DNAH7: variants seen among roughly 807,000 people sequenced by gnomAD.
DNAH7 encodes the protein dynein axonemal heavy chain 7.
A neutral mutation model predicts 444.6 loss-of-function variants in DNAH7; 397 were observed. The observed-to-expected ratio is 0.89, with a 90% CI of 0.82 to 0.97. DNAH7 has a LOEUF of 0.97. Ranked by LOEUF, DNAH7 falls within the 50% of genes least tolerant of loss-of-function variation. The probability of loss-of-function intolerance (pLI) is 0.00; values close to 1 mark genes in which losing one functional copy is unlikely to be tolerated. For missense variants in DNAH7, 4,902 were observed against 4,800.8 expected (o/e 1.02, Z -0.62); for synonymous variants, 1,636 against 1,624.4 (o/e 1.01, Z -0.17).
chr2:195,978,765 C>T (rs1692367246), intron 15 of DNAH7, among the ~76,000 whole-genome samples: 1 of 151,882 alleles, frequency 6.6e-6, no homozygotes, highest in Admixed American at 6.6e-5. Flanking sequence ...AAAAGAGACC[C>T]GGAGTAGCTA....
intron 17 of DNAH7, among the ~76,000 whole-genome samples, chr2:195,968,471 T>C (rs1383217499): frequency 6.6e-6 from 1 of 152,082 alleles, no homozygotes; most frequent in Non-Finnish European, 1.5e-5. Context: ...CCTGCCCTAC[T>C]GTGGCTGAGC....
At chr2:195,966,940 T>C (rs1345620454) in intron 17 of DNAH7, among the ~76,000 whole-genome samples, 1 of 152,138 alleles carries the variant, frequency 6.6e-6, no homozygotes, top group Non-Finnish European at 1.5e-5. Context: ...GAGAAGTTAG[T>C]CCATTTACAT....
In DNAH7 at chr2:195,755,774, G is replaced by A. The variant is rs950838128; in HGVS notation, c.11586+359C>T. On this transcript the variant is annotated intron_variant, in intron 62 of 64. Coordinates refer to ENST00000312428, the MANE Select transcript of DNAH7 (RefSeq NM_018897.3). ...GCCATTGAGGTCATTACTGACTTGG[G>A]CTGAACCAGCAATCTAGTGATTCCA... Among the ~76,000 whole-genome samples, 6 of 152,142 alleles carry A rather than the reference G, an allele frequency of 3.9e-5. 1 individual carries two copies. The highest frequency in any genetic ancestry group is 1.4e-4 in the African/African-American group (6 of 41,438).
intron 30 of DNAH7, chr2:195,894,261 A>G (rs1702177440): frequency 6.6e-6 from 1 of 152,188 alleles, no homozygotes; most frequent in African/African-American, 2.4e-5. Flanking sequence ...GCAAATATAC[A>G]TACAGGGAGA....
chr2:195,853,526 A>C lies in DNAH7; in HGVS notation c.8598T>G (p.Val2866=). Residue 2866 remains valine (V), a splice_region_variant and synonymous_variant, in exon 46 of 65, where the codon GTT becomes GTG. Coordinates refer to ENST00000312428, the MANE Select transcript of DNAH7 (RefSeq NM_018897.3). ...GTTCTAGTTTTTTGCTGCAAAGGTC[A>C]ACCTCGAAAATAAAAGTGAGCTTTT... ...KQKKADLENQ[V]DLCSKKLERA... 6.2e-7 allele frequency: 1 copy of C among 1,605,226 alleles called. No homozygotes were observed. The highest frequency in any genetic ancestry group is 8.5e-7 in the Non-Finnish European group (1 of 1,175,230).
At position 195,972,409 on chromosome 2, in the gene DNAH7, C is replaced by G. The variant is rs751083635; in HGVS notation, c.1891G>C (p.Asp631His). ...AGGAAGGCGAGGCAGTTTTTGGAATCCACTAATCTCTGTTCTAGTTCAATC... is the reference window on the plus strand; with the variant it reads ...AGGAAGGCGAGGCAGTTTTTGGAATGCACTAATCTCTGTTCTAGTTCAATC... ...DMIELEQRLVDSKNCLAFLIE... is the reference protein window; with the variant it reads ...DMIELEQRLVHSKNCLAFLIE... The change falls in exon 16 of 65, where the codon GAT (aspartate) becomes CAT (histidine). Residue 631 changes from aspartate (D) to histidine (H), a missense_variant. Physicochemically the swap from Asp to His is moderately conservative, Grantham distance 81 (BLOSUM62 -1). Transcript: ENST00000312428. The G allele has an allele frequency of 6.2e-7, 1 of 1,614,066 alleles. No homozygotes were observed. The highest frequency in any genetic ancestry group is 1.1e-5 in the South Asian group (1 of 91,070).
chr2:195,811,776 G>GA (rs148713731), intron 51 of DNAH7, among the ~76,000 whole-genome samples: 25 of 149,216 alleles, frequency 1.7e-4, no homozygotes, highest in East Asian at 1.2e-3. Flanking sequence ...AGAAGTGAAA[G>GA]AAAAAAAAAA....
At chr2:196,036,381 G>A (rs1174934226) in intron 5 of DNAH7, among the ~76,000 whole-genome samples, 1 of 151,964 alleles carries the variant, frequency 6.6e-6, no homozygotes, top group Non-Finnish European at 1.5e-5. Context: ...CCACCCAGAG[G>A]GCTACAATAG....
intron 58 of DNAH7, among the ~76,000 whole-genome samples, chr2:195,784,670 C>A (rs369605911): frequency 1.3e-5 from 2 of 152,262 alleles, no homozygotes; most frequent in South Asian, 2.1e-4. Context: ...TAAGAAACTG[C>A]TAAAGTATCT....
chr2:196,043,085 TGGAA>T (rs1696871575), intron 5 of DNAH7, among the ~76,000 whole-genome samples: 1 of 152,150 alleles, frequency 6.6e-6, no homozygotes, highest in Admixed American at 6.5e-5. Flanking sequence ...AACGGGCAAG[TGGAA>T]GCTTTTGTGA....
intron 63 of DNAH7, among the ~76,000 whole-genome samples, chr2:195,750,131 T>C (rs1446417494): frequency 6.6e-6 from 1 of 152,188 alleles, no homozygotes; most frequent in African/African-American, 2.4e-5. Flanking sequence ...TTATGGATCC[T>C]TTAATAAGTT....
At chr2:196,061,589 G>A (rs978266882) in intron 1 of DNAH7, among the ~76,000 whole-genome samples, 3 of 152,004 alleles carry the variant, frequency 2.0e-5, no homozygotes, top group Admixed American at 2.0e-4. Context: ...ATTTAATTCA[G>A]TAGTAAACCC....
intron 15 of DNAH7, among the ~76,000 whole-genome samples, chr2:195,979,448 C>T (rs1322483972): frequency 6.6e-6 from 1 of 151,922 alleles, no homozygotes; most frequent in Non-Finnish European, 1.5e-5. Flanking sequence ...ACATAACATA[C>T]CAAAACCTAT....
At chr2:195,796,186 G>C (rs771453255) in intron 56 of DNAH7, among the ~76,000 whole-genome samples, 3 of 152,224 alleles carry the variant, frequency 2.0e-5, no homozygotes, top group Non-Finnish European at 2.9e-5. Context: ...GTGACATTCT[G>C]AAGCCTTTGA....
intron 2 of DNAH7, among the ~76,000 whole-genome samples, 195 bp from the exon 3 acceptor site, chr2:196,051,444 A>G (rs1183322650): frequency 6.6e-6 from 1 of 152,174 alleles, no homozygotes; most frequent in Non-Finnish European, 1.5e-5. Context: ...ATAAAGGAAA[A>G]TTATATCCAG....
At chr2:196,029,915 T>C (rs1695936885) in intron 5 of DNAH7, among the ~76,000 whole-genome samples, 1 of 152,194 alleles carries the variant, frequency 6.6e-6, no homozygotes, top group Admixed American at 6.5e-5. Context: ...GATGGTGGCA[T>C]GAGCATCCCT....
chr2:195,855,686 G>T, intron 45 of DNAH7, 125 bp downstream of exon 45: 2 of 977,298 alleles, frequency 2.0e-6, no homozygotes, highest in Non-Finnish European at 1.5e-6. Context: ...TGTGGCCTGC[G>T]GGTCATAGTT....
At chr2:195,789,982 A>G (rs557993524) in intron 57 of DNAH7, among the ~76,000 whole-genome samples, 132 of 152,294 alleles carry the variant, frequency 8.7e-4, no homozygotes, top group African/African-American at 3.1e-3. Context: ...AAAGTTTCAG[A>G]ATACAAAATC....
intron 56 of DNAH7, among the ~76,000 whole-genome samples, 175 bp downstream of exon 56, chr2:195,796,401 C>T (rs1376230870): frequency 1.3e-5 from 2 of 152,100 alleles, no homozygotes; most frequent in East Asian, 1.9e-4. Flanking sequence ...GCTATGTGCT[C>T]GCCTCTGTTC....
Sources: gnomAD v4.1 joint callset for allele counts (sites outside exome capture counted in the v4.1 genomes callset) on GRCh38, gnomAD v4.1.1 for gene constraint, MANE v1.5 for transcripts, NCBI Gene and HGNC (gene_info 2026-07-23, HGNC 2026-07-21) for gene names.